Variants in GLRA1 observed in about 807,000 individuals in gnomAD.
GLRA1 encodes the protein glycine receptor alpha 1, also known as glycine receptor subunit alpha-1.
A neutral mutation model predicts 48.3 loss-of-function variants in GLRA1; 37 were observed. The ratio of observed to expected loss-of-function variants is 0.77; its 90% CI spans 0.59 to 1.01. GLRA1 has a LOEUF of 1.01. Ranked by LOEUF, GLRA1 falls within the 50% of genes least tolerant of loss-of-function variation. The pLI is 0.00. For synonymous variants in GLRA1, 196 were observed against 210.7 expected (o/e 0.93, Z 0.60); for missense variants, 427 against 571.0 (o/e 0.75, Z 2.57).
In GLRA1 at chr5:151,910,408, C is replaced by A. The variant is rs74481074; in HGVS notation, c.56+14086G>T. Reference sequence around the variant, plus strand: ...TCCCCATGGTCTCATTCTCAAGAGACAATAACAACTATAAACAGTTTTCAG... The same window carrying A: ...TCCCCATGGTCTCATTCTCAAGAGAAAATAACAACTATAAACAGTTTTCAG... On this transcript the variant is annotated intron_variant, in intron 1 of 8. Transcript: ENST00000274576. 1.7e-4 allele frequency among the ~76,000 whole-genome samples: 26 copies of A among 152,248 alleles called. No individual in the cohort carries two copies. The East Asian group carries it at 4.6e-3, about 27-fold the overall frequency.
In GLRA1 at chr5:151,822,688, G is replaced by A. The variant is rs767779482; in HGVS notation, c.1335C>T (p.Asp445=). ...WIIYKIVRRE[D]VHNQ is the part of the protein sequence containing the mutation. ...TTCAGACCCTTCACTGGTTGTGGAC[G>A]TCCTCTCTACGGACAATCTTGTAGA... The change falls in exon 9 of 9, where the codon GAC becomes GAT. Residue 445 remains aspartate, a synonymous_variant. Transcript: ENST00000274576. 6.2e-6 allele frequency: 10 copies of A among 1,612,356 alleles called. No homozygotes were observed. Among genetic ancestry groups the A allele is most frequent in the South Asian group, 5.5e-5 (5 of 91,034 alleles).
rs188206174 is a variant in GLRA1, at chr5:151,911,878, A to G, written c.56+12616T>C. Among the ~76,000 whole-genome samples the G allele has an allele frequency of 8.0e-3, 1,221 of 151,818 alleles. 20 individuals are homozygous for G. Among genetic ancestry groups the G allele is most frequent in the African/African-American group, 0.028 (1,149 of 41,392 alleles). On this transcript the variant is annotated intron_variant, in intron 1 of 8. Coordinates refer to ENST00000274576, the MANE Select transcript of GLRA1 (RefSeq NM_000171.4). ...CTGCCTTGGCCTCCCAAAGTGCTGG[A>G]ATTACAGGCGTGAGCCACCGCGCCC...
intron 1 of GLRA1, among the ~76,000 whole-genome samples, chr5:151,898,794 T>TG (rs1561577171): frequency 3.3e-5 from 5 of 152,314 alleles, no homozygotes; most frequent in South Asian, 2.1e-4. Context: ...GTCAGCACTA[T>TG]AATTGAGGAA....
intron 7 of GLRA1, among the ~76,000 whole-genome samples, chr5:151,835,810 C>G (rs534882277): frequency 1.1e-4 from 17 of 152,238 alleles, no homozygotes; most frequent in Non-Finnish European, 2.1e-4. Flanking sequence ...GAATGTATCT[C>G]AAAATAATAA....
At chr5:151,919,878 A>G (rs2113465016) in intron 1 of GLRA1, among the ~76,000 whole-genome samples, 1 of 152,370 alleles carries the variant, frequency 6.6e-6, no homozygotes, top group Admixed American at 6.5e-5. Flanking sequence ...CCATCTTAAA[A>G]ATCATGCTGG....
intron 1 of GLRA1, among the ~76,000 whole-genome samples, chr5:151,907,232 T>A (rs780083233): frequency 6.6e-6 from 1 of 152,230 alleles, no homozygotes; most frequent in Admixed American, 6.5e-5. Flanking sequence ...GAAGCTGGTA[T>A]ACAGAAGTTG....
chr5:151,917,248 G>C (rs920274259), intron 1 of GLRA1, among the ~76,000 whole-genome samples: 2 of 152,122 alleles, frequency 1.3e-5, no homozygotes, highest in Non-Finnish European at 2.9e-5. Context: ...AGATGCTCAG[G>C]CCTACCCCAG....
At chr5:151,854,703 C>G (rs570839598) in intron 6 of GLRA1, among the ~76,000 whole-genome samples, 2 of 152,248 alleles carry the variant, frequency 1.3e-5, no homozygotes, top group Admixed American at 6.5e-5. Context: ...TACTTTTGCT[C>G]TATTGGAAAT....
chr5:151,871,562 T>G (rs969166746), intron 3 of GLRA1, among the ~76,000 whole-genome samples: 5 of 148,722 alleles, frequency 3.4e-5, no homozygotes, highest in Non-Finnish European at 7.4e-5. Context: ...GAGGCTTTTT[T>G]TTTTTTCTTT....
At chr5:151,842,252 A>C (rs1424436212) in intron 7 of GLRA1, among the ~76,000 whole-genome samples, 1 of 151,772 alleles carries the variant, frequency 6.6e-6, no homozygotes, top group South Asian at 2.1e-4. Flanking sequence ...ACATTTCCCA[A>C]CTCTTTCTAA....
intron 8 of GLRA1, among the ~76,000 whole-genome samples, chr5:151,827,109 C>T (rs1763293919): frequency 6.7e-6 from 1 of 148,890 alleles, no homozygotes; most frequent in South Asian, 2.1e-4. Flanking sequence ...AATCCTCTCA[C>T]CTCAGTCTTC....
intron 1 of GLRA1, among the ~76,000 whole-genome samples, chr5:151,922,879 G>T (rs1411606853): frequency 6.6e-6 from 1 of 152,206 alleles, no homozygotes; most frequent in Non-Finnish European, 1.5e-5. Flanking sequence ...CTCTGGTTCA[G>T]TTCTGTCTCC....
At chr5:151,878,984 C>T (rs571315531) in intron 3 of GLRA1, among the ~76,000 whole-genome samples, 1 of 152,308 alleles carries the variant, frequency 6.6e-6, no homozygotes, top group African/African-American at 2.4e-5. Flanking sequence ...CACTCCAGAC[C>T]CCAGAATGGT....
At chr5:151,823,048 G>C in intron 8 of GLRA1, 85 bp from the exon 9 acceptor site, 2 of 1,221,278 alleles carry the variant, frequency 1.6e-6, no homozygotes, top group Non-Finnish European at 2.2e-6. Flanking sequence ...TGGGGGCCAG[G>C]CCATGCCTAT....
rs1754965835 is a variant in GLRA1, at chr5:151,924,616, C to G, written c.-67G>C. ...CAAAAATGTTTCAAATTGGCACTTA[C>G]AAAACCAGAAAGCGCTATTGCAAAA... On this transcript the variant is annotated 5_prime_UTR_variant, in exon 1 of 9. Transcript: ENST00000274576. 4 of 980,650 alleles carry G rather than the reference C, an allele frequency of 4.1e-6. No homozygotes were observed. The highest frequency in any genetic ancestry group is 3.8e-5 in the South Asian group (3 of 78,590). The allele number at this position is 980,650 out of a possible 1,614,324, so 60.7% of individuals were successfully genotyped here. A position where few individuals can be genotyped will look rare whatever the true frequency, so the allele number is the denominator to read the frequency against.
chr5:151,869,802 T>A lies in GLRA1; in HGVS notation c.253-9794A>T, dbSNP rs1753431724. On this transcript the variant is annotated intron_variant, in intron 3 of 8. Coordinates refer to ENST00000274576, the MANE Select transcript of GLRA1 (RefSeq NM_000171.4). Reference sequence around the variant, plus strand: ...AGCATACTGGGCATTATTATACTTATTTCACTGGAGAGGAAACCAAAATTT... The same window carrying A: ...AGCATACTGGGCATTATTATACTTAATTCACTGGAGAGGAAACCAAAATTT... 1.3e-5 allele frequency among the ~76,000 whole-genome samples: 2 copies of A among 149,802 alleles called. 1 individual carries two copies. Among genetic ancestry groups the A allele is most frequent in the African/African-American group, 5.1e-5 (2 of 39,166 alleles).
chr5:151,859,748 T>C, intron 4 of GLRA1, 37 bp downstream of exon 4: 1 of 1,437,774 alleles, frequency 7.0e-7, no homozygotes, highest in Non-Finnish European at 9.8e-7. Flanking sequence ...CAAGACATGT[T>C]CTGAGCAGGG....
chr5:151,823,366 A>T (rs1763192040), intron 8 of GLRA1, among the ~76,000 whole-genome samples: 1 of 152,232 alleles, frequency 6.6e-6, no homozygotes, highest in African/African-American at 2.4e-5. Context: ...ATCAGAGGTT[A>T]TAATTGAGAA....
chr5:151,919,414 T>G (rs1316972010), intron 1 of GLRA1, among the ~76,000 whole-genome samples: 1 of 152,216 alleles, frequency 6.6e-6, no homozygotes, highest in East Asian at 1.9e-4. Context: ...TGTTTTCTCA[T>G]CATAATAAAC....
Sources: gnomAD v4.1 joint callset for allele counts (sites outside exome capture counted in the v4.1 genomes callset) on GRCh38, gnomAD v4.1.1 for gene constraint, MANE v1.5 for transcripts, NCBI Gene and HGNC (gene_info 2026-07-23, HGNC 2026-07-21) for gene names.